DOCK1: variants seen among roughly 807,000 people sequenced by gnomAD.
DOCK1 encodes dedicator of cytokinesis 1.
Under a neutral mutation model 262.7 loss-of-function variants are expected in DOCK1, and 138 were observed. The ratio of observed to expected loss-of-function variants is 0.53; its 90% CI spans 0.46 to 0.61. The LOEUF (loss-of-function observed/expected upper bound fraction) is 0.61, where lower values mean the gene tolerates loss of function less well. DOCK1 is among the 20% of genes least tolerant of loss of function. DOCK1 has a pLI of 0.00. For missense variants in DOCK1, 1,908 were observed against 2,370.7 expected, an observed-to-expected ratio of 0.80 and a Z score of 4.05; for synonymous variants, 866 against 867.4, an observed-to-expected ratio of 1.00 and a Z score of 0.03.
rs139227370 is a variant in DOCK1, at chr10:127,111,833, T to C, written c.2623+1479T>C. Among the ~76,000 whole-genome samples the C allele has an allele frequency of 6.3e-3, 952 of 152,300 alleles. 14 individuals are homozygous for C. Among genetic ancestry groups the C allele is most frequent in the African/African-American group, 0.021 (869 of 41,560 alleles). ...GCTGTCAATGAGTGTCAACCGTCCA[T>C]GAATAACAATTGTTGTAAATTGTCG... On this transcript the variant is annotated intron_variant, in intron 25 of 51. Coordinates refer to ENST00000623213, the MANE Select transcript of DOCK1 (RefSeq NM_001290223.2).
At chr10:127,370,749 G>C (rs190984901) in intron 33 of DOCK1, among the ~76,000 whole-genome samples, 1 of 152,120 alleles carries the variant, frequency 6.6e-6, no homozygotes, top group Admixed American at 6.5e-5. Context: ...CCCTGACTCC[G>C]TCACGTCAAT....
At chr10:127,350,066 A>G (rs970559849) in intron 31 of DOCK1, among the ~76,000 whole-genome samples, 2 of 152,182 alleles carry the variant, frequency 1.3e-5, no homozygotes, top group African/African-American at 4.8e-5. Context: ...CATGACCAAT[A>G]GACTTTTCTT....
chr10:127,330,123 C>G (rs1285853373), intron 29 of DOCK1, among the ~76,000 whole-genome samples: 1 of 152,164 alleles, frequency 6.6e-6, no homozygotes, highest in Non-Finnish European at 1.5e-5. Flanking sequence ...TCAATCAACA[C>G]ATTTTATTTT....
intron 27 of DOCK1, among the ~76,000 whole-genome samples, chr10:127,196,828 G>A (rs1206727269): frequency 1.3e-5 from 2 of 152,054 alleles, no homozygotes; most frequent in African/African-American, 4.8e-5. Context: ...GGCTGCAGGC[G>A]GCGCTGCATG....
At chr10:126,973,260 G>A (rs548678049) in intron 2 of DOCK1, among the ~76,000 whole-genome samples, 16 of 150,300 alleles carry the variant, frequency 1.1e-4, no homozygotes, top group African/African-American at 3.7e-4. Flanking sequence ...ATGGAGGCTC[G>A]CTCTGTCGCC....
intron 23 of DOCK1, among the ~76,000 whole-genome samples, chr10:127,092,334 G>A (rs935217086): frequency 4.6e-5 from 7 of 152,164 alleles, no homozygotes; most frequent in African/African-American, 1.7e-4. Flanking sequence ...GCTCAGCAAG[G>A]CATCGCTCCC....
chr10:126,916,686 C>T (rs981560485), intron 1 of DOCK1, among the ~76,000 whole-genome samples: 3 of 151,828 alleles, frequency 2.0e-5, no homozygotes, highest in African/African-American at 7.3e-5. Flanking sequence ...CCTTCCTTTC[C>T]TCCTTCCTTT....
chr10:127,071,900 A>G (rs1294394351), intron 23 of DOCK1, among the ~76,000 whole-genome samples: 5 of 152,208 alleles, frequency 3.3e-5, no homozygotes, highest in Non-Finnish European at 1.5e-5. Context: ...TTGAGATTGC[A>G]GAATTCTAGG....
At chr10:126,947,178 G>A (rs1564996977) in intron 1 of DOCK1, among the ~76,000 whole-genome samples, 1 of 152,210 alleles carries the variant, frequency 6.6e-6, no homozygotes, top group East Asian at 1.9e-4. Flanking sequence ...TGGTGTTTCT[G>A]GTCTTTCTCA....
intron 28 of DOCK1, among the ~76,000 whole-genome samples, 164 bp from the exon 29 acceptor site, chr10:127,257,171 A>G (rs1214846017): frequency 1.3e-5 from 2 of 152,208 alleles, no homozygotes; most frequent in African/African-American, 4.8e-5. Context: ...GTAAACAGAA[A>G]GACAGGTCTA....
chr10:127,247,629 G>C (rs780870410), intron 27 of DOCK1, among the ~76,000 whole-genome samples: 1 of 152,116 alleles, frequency 6.6e-6, no homozygotes, highest in South Asian at 2.1e-4. Flanking sequence ...GGACAACCCT[G>C]TATCAGGAAA....
chr10:127,212,968 G>A (rs887398611), intron 27 of DOCK1, among the ~76,000 whole-genome samples: 8 of 152,166 alleles, frequency 5.3e-5, no homozygotes, highest in African/African-American at 1.2e-4. Context: ...TGTAATGAGT[G>A]AAGATAATAC....
At chr10:127,225,133 A>T (rs1488950626) in intron 27 of DOCK1, among the ~76,000 whole-genome samples, 5 of 152,234 alleles carry the variant, frequency 3.3e-5, no homozygotes, top group African/African-American at 9.7e-5. Context: ...TTATGTTGTT[A>T]CGTGCCAAAA....
intron 29 of DOCK1, among the ~76,000 whole-genome samples, chr10:127,258,818 G>A (rs1415978864): frequency 6.6e-6 from 1 of 152,250 alleles, no homozygotes; most frequent in African/African-American, 2.4e-5. Context: ...TTTTAGCCAT[G>A]CTGATAGGTG....
At chr10:127,443,259 T>C (rs1445593940) in intron 49 of DOCK1, among the ~76,000 whole-genome samples, 1 of 152,136 alleles carries the variant, frequency 6.6e-6, no homozygotes, top group Non-Finnish European at 1.5e-5. Flanking sequence ...TACTGGGAAG[T>C]GTGCAGGTCC....
intron 12 of DOCK1, among the ~76,000 whole-genome samples, chr10:127,018,360 C>T (rs976383732): frequency 1.1e-4 from 16 of 152,298 alleles, no homozygotes; most frequent in Admixed American, 9.8e-4. Context: ...TCTCAGCCAC[C>T]TCCTAGAAAA....
chr10:127,138,136 T>C, intron 27 of DOCK1: 2 of 897,724 alleles, frequency 2.2e-6, no homozygotes, highest in Non-Finnish European at 3.4e-6. Flanking sequence ...AATTTTATGG[T>C]TTAATAATAG....
At chr10:127,178,281 A>T (rs1320801933) in intron 27 of DOCK1, among the ~76,000 whole-genome samples, 1 of 152,226 alleles carries the variant, frequency 6.6e-6, no homozygotes, top group Non-Finnish European at 1.5e-5. Flanking sequence ...ACAGGTAATC[A>T]TGTGTAAGAA....
intron 4 of DOCK1, among the ~76,000 whole-genome samples, chr10:126,984,919 A>C (rs1175176196): frequency 6.6e-6 from 1 of 151,206 alleles, no homozygotes; most frequent in East Asian, 2.0e-4. Context: ...CTTCTGTCTA[A>C]CAGAAACTCG....
Sources: gnomAD v4.1 joint callset for allele counts (sites outside exome capture counted in the v4.1 genomes callset) on GRCh38, gnomAD v4.1.1 for gene constraint, MANE v1.5 for transcripts, NCBI Gene and HGNC (gene_info 2026-07-23, HGNC 2026-07-21) for gene names.